Variants in JAK1 observed in about 807,000 individuals in gnomAD.
JAK1 encodes the protein Janus kinase 1, also known as tyrosine-protein kinase JAK1.
In JAK1, 16 loss-of-function variants were observed where a neutral mutation model predicts 136.6. That is an observed-to-expected ratio of 0.12 (90% confidence interval 0.08 to 0.18). The LOEUF (loss-of-function observed/expected upper bound fraction) is 0.18, where lower values mean the gene tolerates loss of function less well. JAK1 is among the 10% of genes least tolerant of loss of function. The pLI is 1.00. For synonymous variants in JAK1, 492 were observed against 519.5 expected, an observed-to-expected ratio of 0.95 and a Z score of 0.72; for missense variants, 859 against 1,450.1, an observed-to-expected ratio of 0.59 and a Z score of 6.62.
intron 3 of JAK1, among the ~76,000 whole-genome samples, chr1:64,882,255 T>C (rs1253218158): frequency 6.6e-6 from 1 of 152,204 alleles, no homozygotes; most frequent in Non-Finnish European, 1.5e-5. Flanking sequence ...GTAGGTTTTC[T>C]AAACAAGCTG....
intron 14 of JAK1, among the ~76,000 whole-genome samples, chr1:64,845,926 C>T (rs1169121333): frequency 1.3e-5 from 2 of 152,214 alleles, no homozygotes; most frequent in African/African-American, 2.4e-5. Flanking sequence ...AAAGCCTTGG[C>T]GGAGGGCCTG....
chr1:64,915,455 G>A (rs1437279713), intron 1 of JAK1, among the ~76,000 whole-genome samples: 1 of 152,188 alleles, frequency 6.6e-6, no homozygotes, highest in Non-Finnish European at 1.5e-5. Flanking sequence ...GAACTGGAAG[G>A]AAGCACCAGT....
At chr1:65,001,075 A>C (rs1417614982) in intron 2 of JAK1, among the ~76,000 whole-genome samples, 1 of 152,132 alleles carries the variant, frequency 6.6e-6, no homozygotes, top group African/African-American at 2.4e-5. Context: ...TCAATTCACA[A>C]AATGGGGCGT....
chr1:65,007,417 C>T (rs2100762758), intron 2 of JAK1, among the ~76,000 whole-genome samples: 1 of 152,246 alleles, frequency 6.6e-6, no homozygotes, highest in African/African-American at 2.4e-5. Context: ...TGGAGAGAGG[C>T]TGACCCCTAC....
intron 14 of JAK1, among the ~76,000 whole-genome samples, chr1:64,846,412 G>C (rs1182115515): frequency 1.6e-5 from 2 of 127,348 alleles, no homozygotes; most frequent in Non-Finnish European, 3.1e-5. Flanking sequence ...ACAGTGTAGG[G>C]TTCTTGGCCA....
At chr1:64,873,345 C>T in intron 5 of JAK1, 25 bp downstream of exon 5, 1 of 1,613,826 alleles carries the variant, frequency 6.2e-7, no homozygotes, top group Non-Finnish European at 8.5e-7. Context: ...CAAACTCCAG[C>T]TTCTCCTGGG....
In JAK1 at chr1:65,018,022, G is replaced by T. The variant is rs142311932; in HGVS notation, c.-78+26458C>A. ...ATGGGGTTTCACCATGTTGGCCGGC[G>T]CTGGTCTCGAACTCCTGATCTCGGG... On this transcript the variant is annotated intron_variant, in intron 2 of 25. Coordinates refer to the JAK1 transcript ENST00000671954. Among the ~76,000 whole-genome samples, 8 of 151,824 alleles carry T rather than the reference G, an allele frequency of 5.3e-5. 1 individual carries two copies. In the East Asian group the frequency reaches 1.6e-3, roughly 29 times the overall value.
chr1:65,026,245 A>G (rs1298572381), intron 2 of JAK1, among the ~76,000 whole-genome samples: 1 of 152,176 alleles, frequency 6.6e-6, no homozygotes, highest in African/African-American at 2.4e-5. Flanking sequence ...TTGAGCCCCA[A>G]ACTGTAATTT....
At chr1:64,845,175 A>G (rs971252524) in intron 15 of JAK1, among the ~76,000 whole-genome samples, 1 of 152,096 alleles carries the variant, frequency 6.6e-6, no homozygotes, top group African/African-American at 2.4e-5. Context: ...CATGGTGAGC[A>G]CTCCACACGT....
Position 64,943,733 on chromosome 1 carries a change from T to C in JAK1, c.-78+22600A>G, listed in dbSNP as rs1008629914. On this transcript the variant is annotated intron_variant, in intron 1 of 24. Transcript: ENST00000342505. ...ATGTGAGTTCATGAAAATATAAAAC[T>C]TCTATAACAAAAGGTTCTTAATATA... Among the ~76,000 whole-genome samples the C allele has an allele frequency of 2.6e-5, 4 of 152,066 alleles. No homozygotes were observed. In the East Asian group the frequency reaches 7.7e-4, roughly 29 times the overall value.
intron 1 of JAK1, among the ~76,000 whole-genome samples, chr1:64,895,644 G>A (rs751549954): frequency 2.0e-5 from 3 of 152,060 alleles, no homozygotes; most frequent in Non-Finnish European, 4.4e-5. Flanking sequence ...CCCATACAAC[G>A]CATATGCACA....
chr1:65,038,078 G>C (rs984981243), intron 2 of JAK1, among the ~76,000 whole-genome samples: 13 of 152,116 alleles, frequency 8.5e-5, no homozygotes, highest in African/African-American at 3.1e-4. Context: ...TCTTACGTGG[G>C]AATGTTTGGG....
At chr1:64,875,693 TCA>T (rs1657360423) in intron 4 of JAK1, among the ~76,000 whole-genome samples, 1 of 152,216 alleles carries the variant, frequency 6.6e-6, no homozygotes, top group Non-Finnish European at 1.5e-5. Context: ...GGTGTCTCTC[TCA>T]CACACAGAAA....
chr1:64,900,948 T>C (rs988068784), intron 1 of JAK1, among the ~76,000 whole-genome samples: 1 of 152,152 alleles, frequency 6.6e-6, no homozygotes, highest in Non-Finnish European at 1.5e-5. Context: ...AGCTCAGGAA[T>C]CATCTCCATC....
At position 64,838,527 on chromosome 1, in the gene JAK1, G is replaced by T. The variant is rs898893357; in HGVS notation, c.2905C>A (p.Pro969Thr). ...AGGTTTATTTTGTTCTTATTCTTTG[G>T]AAGATATTCCTTAAGGCTTCCCGAA... ...LPSGSLKEYL[P>T]KNKNKINLKQ... is the part of the protein sequence containing the mutation. The change falls in exon 21 of 25, where the codon CCA (proline) becomes ACA (threonine). Residue 969 changes from proline (P) to threonine (T), a missense_variant. Physicochemically the swap from Pro to Thr is conservative, Grantham distance 38. Coordinates refer to ENST00000342505, the MANE Select transcript of JAK1 (RefSeq NM_002227.4). 7 of 1,613,528 alleles carry T rather than the reference G, an allele frequency of 4.3e-6. No individual in the cohort carries two copies. The highest frequency in any genetic ancestry group is 5.9e-6 in the Non-Finnish European group (7 of 1,179,652).
intron 2 of JAK1, among the ~76,000 whole-genome samples, chr1:64,980,538 C>T (rs946797545): frequency 4.9e-4 from 75 of 151,568 alleles, no homozygotes; most frequent in Admixed American, 1.3e-3. Flanking sequence ...ACAGCTGGAT[C>T]CTTGGTCTCA....
At chr1:64,924,222 G>A (rs911859048) in intron 1 of JAK1, among the ~76,000 whole-genome samples, 24 of 152,088 alleles carry the variant, frequency 1.6e-4, no homozygotes, top group African/African-American at 4.8e-4. Context: ...ATAGTATATC[G>A]TATCAATTTA....
At chr1:64,926,322 T>C (rs1310894123) in intron 1 of JAK1, among the ~76,000 whole-genome samples, 1 of 151,818 alleles carries the variant, frequency 6.6e-6, no homozygotes, top group Non-Finnish European at 1.5e-5. Flanking sequence ...TGCTCCAGTA[T>C]ATGTGACTCC....
chr1:64,957,211 A>G (rs1646203593), intron 1 of JAK1, among the ~76,000 whole-genome samples: 1 of 152,044 alleles, frequency 6.6e-6, no homozygotes, highest in African/African-American at 2.4e-5. Context: ...GAGGTGCTCT[A>G]GGGGCAACAG....
Sources: gnomAD v4.1 joint callset for allele counts (sites outside exome capture counted in the v4.1 genomes callset) on GRCh38, gnomAD v4.1.1 for gene constraint, MANE v1.5 for transcripts, NCBI Gene and HGNC (gene_info 2026-07-23, HGNC 2026-07-21) for gene names.